Variants in GRM5 observed in about 807,000 individuals in gnomAD.
GRM5 encodes glutamate metabotropic receptor 5, also known as metabotropic glutamate receptor 5.
In GRM5, 19 loss-of-function variants were observed where a neutral mutation model predicts 83.1. That is an observed-to-expected ratio of 0.23 (90% CI 0.16 to 0.34). The LOEUF is 0.34. GRM5 is among the 10% of genes least tolerant of loss of function. The pLI, the probability that GRM5 is intolerant of heterozygous loss-of-function variation, is 1.00. For missense variants in GRM5, 1,160 were observed against 1,588.3 expected (o/e 0.73, Z 4.58); for synonymous variants, 675 against 633.6 (o/e 1.07, Z -0.98).
chr11:88,907,078 C>T (rs1396707253), intron 2 of GRM5, among the ~76,000 whole-genome samples: 1 of 151,808 alleles, frequency 6.6e-6, no homozygotes, highest in Admixed American at 6.6e-5. Context: ...TTCAATTTCT[C>T]GGTGTTCTAT....
At chr11:88,604,361 A>G (rs915927686) in intron 5 of GRM5, among the ~76,000 whole-genome samples, 2 of 152,234 alleles carry the variant, frequency 1.3e-5, no homozygotes, top group African/African-American at 4.8e-5. Flanking sequence ...ATTTCAGAAT[A>G]GTTCTATTAT....
intron 2 of GRM5, among the ~76,000 whole-genome samples, chr11:89,036,727 T>C (rs1194780276): frequency 1.4e-5 from 2 of 144,328 alleles, no homozygotes; most frequent in African/African-American, 5.2e-5. Flanking sequence ...TACTCAAATT[T>C]GCCTGGGTTC....
At chr11:88,743,673 A>G (rs996839877) in intron 3 of GRM5, among the ~76,000 whole-genome samples, 20 of 152,126 alleles carry the variant, frequency 1.3e-4, no homozygotes, top group African/African-American at 4.6e-4. Flanking sequence ...AGGCCATTTT[A>G]CCAGGATCCA....
chr11:88,597,279 C>T lies in GRM5; in HGVS notation c.1468G>A (p.Gly490Arg). 1 of 1,596,108 alleles carries T rather than the reference C, an allele frequency of 6.3e-7. No homozygotes were observed. The highest frequency in any genetic ancestry group is 1.7e-4 in the Middle Eastern group (1 of 6,034). Residue 490 changes from glycine (G) to arginine (R), a missense_variant, in exon 6 of 10, where the codon GGA (glycine) becomes AGA (arginine). Physicochemically the swap from Gly to Arg is moderately radical, Grantham distance 125. Around this residue, in one of 9 missense-constraint regions of GRM5, gnomAD observed 30 missense variants for 19.7 expected, o/e 1.52. Transcript: ENST00000305447. Reference protein sequence around the residue: ...DYINVGSWDNGELKMDDDEVW... With the variant: ...DYINVGSWDNRELKMDDDEVW... ...TCATCATCATCCATTTTTAATTCTC[C>T]ATTGTCCCAACTTCCAACGTTGATA... is the stretch of plus-strand genomic sequence containing the variant.
chr11:88,926,329 A>G (rs1352312702), intron 2 of GRM5, among the ~76,000 whole-genome samples: 2 of 152,192 alleles, frequency 1.3e-5, no homozygotes, highest in African/African-American at 4.8e-5. Flanking sequence ...AAGTAGTACA[A>G]ATTCACTGTG....
intron 2 of GRM5, among the ~76,000 whole-genome samples, chr11:88,894,560 C>T (rs1484562226): frequency 6.6e-6 from 1 of 151,966 alleles, no homozygotes; most frequent in Admixed American, 6.6e-5. Context: ...GTTCTAGTGC[C>T]TCCCAGGCAC....
At chr11:88,628,959 G>C (rs1388169390) in intron 4 of GRM5, among the ~76,000 whole-genome samples, 1 of 152,068 alleles carries the variant, frequency 6.6e-6, no homozygotes, top group Admixed American at 6.6e-5. Context: ...TTAGAACGCA[G>C]GCCTCTAAGT....
At chr11:88,846,659 G>T (rs1444206232) in intron 3 of GRM5, among the ~76,000 whole-genome samples, 1 of 152,014 alleles carries the variant, frequency 6.6e-6, no homozygotes, top group African/African-American at 2.4e-5. Flanking sequence ...GGACCTTCTA[G>T]TAGGCTCTAA....
At position 88,576,469 on chromosome 11, in the gene GRM5, T is replaced by TAATG. The variant is rs575204917; in HGVS notation, c.1691-8481_1691-8478dup. ...CACACAATAGGCAGTTAAATAAGTTTAATGAATGAATGAATGATTAACAAA... is the reference window on the plus strand; with the variant it reads ...CACACAATAGGCAGTTAAATAAGTTTAATGAATGAATGAATGAATGATTAACAAA... On this transcript the variant is annotated intron_variant, in intron 7 of 9. Transcript: ENST00000305447. Among the ~76,000 whole-genome samples the TAATG allele has an allele frequency of 3.9e-4, 60 of 152,302 alleles. 1 individual carries two copies. The East Asian group carries it at 6.7e-3, about 17-fold the overall frequency.
At chr11:88,738,465 A>G (rs1466543876) in intron 3 of GRM5, among the ~76,000 whole-genome samples, 1 of 152,118 alleles carries the variant, frequency 6.6e-6, no homozygotes, top group Non-Finnish European at 1.5e-5. Context: ...ATGTATTAAG[A>G]GGTCTCTTTA....
chr11:88,804,193 C>A (rs1354952313), intron 3 of GRM5, among the ~76,000 whole-genome samples: 1 of 150,052 alleles, frequency 6.7e-6, no homozygotes, highest in South Asian at 2.1e-4. Flanking sequence ...TGGGTATATA[C>A]CCAAAGGACT....
chr11:88,687,904 T>C (rs1349070917), intron 3 of GRM5, among the ~76,000 whole-genome samples: 1 of 152,032 alleles, frequency 6.6e-6, no homozygotes, highest in Non-Finnish European at 1.5e-5. Flanking sequence ...TTTAGAACTC[T>C]GTTACAATTG....
chr11:88,798,954 A>C (rs971274492), intron 3 of GRM5, among the ~76,000 whole-genome samples: 2 of 151,996 alleles, frequency 1.3e-5, no homozygotes, highest in African/African-American at 4.8e-5. Flanking sequence ...ATGTATGTTA[A>C]ATTAAAAAGG....
chr11:88,826,727 T>C (rs1434298493), intron 3 of GRM5, among the ~76,000 whole-genome samples: 1 of 152,184 alleles, frequency 6.6e-6, no homozygotes, highest in African/African-American at 2.4e-5. Context: ...ATGGTTATGA[T>C]ATTGCCTCAG....
chr11:88,803,823 T>C (rs1046289653), intron 3 of GRM5, among the ~76,000 whole-genome samples: 1 of 151,806 alleles, frequency 6.6e-6, no homozygotes, highest in East Asian at 1.9e-4. Flanking sequence ...TACAATGAAC[T>C]CAAACAAATT....
In GRM5 at chr11:88,868,362, T is replaced by C. The variant is rs534568057; in HGVS notation, c.662-18207A>G. Among the ~76,000 whole-genome samples the C allele has an allele frequency of 1.2e-4, 18 of 151,570 alleles. No individual in the cohort carries two copies. The South Asian group carries it at 3.3e-3, about 28-fold the overall frequency. ...GATGTTTGAGCAAGTTATTAATCTT[T>C]CTAAGTCTTTTTTTTCTCATCTATA... On this transcript the variant is annotated intron_variant, in intron 2 of 9. Transcript: ENST00000305447.
intron 3 of GRM5, among the ~76,000 whole-genome samples, chr11:88,773,677 C>T (rs1942786931): frequency 6.6e-6 from 1 of 152,152 alleles, no homozygotes; most frequent in South Asian, 2.1e-4. Flanking sequence ...TATGGCTAGC[C>T]AGCTTTCCCA....
chr11:88,531,951 C>T (rs377322952), intron 8 of GRM5, among the ~76,000 whole-genome samples: 3 of 152,006 alleles, frequency 2.0e-5, no homozygotes, highest in East Asian at 3.9e-4. Flanking sequence ...AGCTGTCATT[C>T]AGCTTAGTGA....
At chr11:89,007,621 G>A (rs1303695718) in intron 2 of GRM5, among the ~76,000 whole-genome samples, 1 of 152,306 alleles carries the variant, frequency 6.6e-6, no homozygotes, top group East Asian at 1.9e-4. Context: ...TACCTTGTTA[G>A]GTCATACGGG....
Sources: allele counts gnomAD v4.1 joint callset (sites outside exome capture counted in the v4.1 genomes callset), GRCh38; gene constraint gnomAD v4.1.1; regional missense constraint gnomAD v4.1.1; transcripts MANE v1.5; gene names NCBI Gene and HGNC (gene_info 2026-07-23, HGNC 2026-07-21).